MYO3A: variants seen among roughly 807,000 people sequenced by gnomAD.
MYO3A encodes myosin IIIA.
In MYO3A, 180 loss-of-function variants were observed where a neutral mutation model predicts 192.7. That is an observed-to-expected ratio of 0.93 (90% confidence interval 0.83 to 1.06). MYO3A has a LOEUF of 1.06. Among genes scored for constraint, MYO3A ranks in the 50% least tolerant of loss-of-function variants. The pLI, the probability that MYO3A is intolerant of heterozygous loss-of-function variation, is 0.00. For missense variants in MYO3A, 1,896 were observed against 1,905.0 expected, an observed-to-expected ratio of 1.00 and a Z score of 0.09; for synonymous variants, 628 against 645.3, an observed-to-expected ratio of 0.97 and a Z score of 0.41.
chr10:26,169,513 G>A (rs1290998239), intron 28 of MYO3A, among the ~76,000 whole-genome samples: 2 of 152,114 alleles, frequency 1.3e-5, no homozygotes, highest in Non-Finnish European at 2.9e-5. Context: ...TACAAGCACT[G>A]TGTTCTGATC....
chr10:25,996,573 T>C lies in MYO3A; in HGVS notation c.387T>C (p.Tyr129=). The change falls in exon 5 of 35, where the codon TAT becomes TAC. Residue 129 remains tyrosine (Y), a synonymous_variant. Coordinates refer to ENST00000642920, the MANE Select transcript of MYO3A (RefSeq NM_017433.5). The part of the protein sequence containing the change: ...GERMSEPLIA[Y]ILHEALMGLQ... ...GAATGAGTGAGCCTCTAATTGCCTA[T>C]ATTTTACATGAAGCACTAATGGTAA... 1 of 1,613,562 alleles carries C rather than the reference T, an allele frequency of 6.2e-7. No individual in the cohort carries two copies. The highest frequency in any genetic ancestry group is 8.5e-7 in the Non-Finnish European group (1 of 1,179,574).
At position 26,009,397 on chromosome 10, in the gene MYO3A, AT is replaced by A. The variant is rs35821650; in HGVS notation, c.509-7417del. 4.1e-4 allele frequency among the ~76,000 whole-genome samples: 62 copies of A among 151,932 alleles called. 1 individual carries two copies. The South Asian group carries it at 4.8e-3, about 12-fold the overall frequency. On this transcript the variant is annotated intron_variant, in intron 6 of 34. Coordinates refer to ENST00000642920, the MANE Select transcript of MYO3A (RefSeq NM_017433.5). ...TTAAAGTATAATAATAATAAAATAA[AT>A]TTTTTAAAAAAGGCCAAATACAAAA...
chr10:25,995,554 G>A (rs180701392), intron 4 of MYO3A, among the ~76,000 whole-genome samples: 138 of 152,282 alleles, frequency 9.1e-4, no homozygotes, highest in Middle Eastern at 3.4e-3. Flanking sequence ...GAGGAGCTGC[G>A]TTCCTTTGGA....
At chr10:26,197,069 C>T (rs571850299) in intron 32 of MYO3A, among the ~76,000 whole-genome samples, 26 of 152,248 alleles carry the variant, frequency 1.7e-4, no homozygotes, top group South Asian at 1.2e-3. Flanking sequence ...GTTGAGGTCC[C>T]GCTGCGCACC....
At chr10:25,965,927 G>C (rs1422182966) in intron 4 of MYO3A, among the ~76,000 whole-genome samples, 2 of 151,570 alleles carry the variant, frequency 1.3e-5, no homozygotes, top group Non-Finnish European at 2.9e-5. Context: ...TAGGGAAGGG[G>C]TGGTATAGGT....
At chr10:26,118,937 C>A (rs546431245) in intron 17 of MYO3A, among the ~76,000 whole-genome samples, 7 of 152,204 alleles carry the variant, frequency 4.6e-5, no homozygotes, top group Non-Finnish European at 1.0e-4. Flanking sequence ...CAGCTCCAAG[C>A]TCTTTCTGTT....
chr10:26,125,140 G>A (rs923116376), intron 18 of MYO3A, among the ~76,000 whole-genome samples: 1 of 152,168 alleles, frequency 6.6e-6, no homozygotes, highest in African/African-American at 2.4e-5. Flanking sequence ...TTATGCAGCT[G>A]TATTACTCTG....
At chr10:26,062,390 G>A (rs1482553869) in intron 10 of MYO3A, among the ~76,000 whole-genome samples, 10 of 150,678 alleles carry the variant, frequency 6.6e-5, no homozygotes, top group African/African-American at 1.2e-4. Context: ...ATGGTAGCGC[G>A]CCTGTAGTCT....
At chr10:26,201,489 G>A (rs539648792) in intron 33 of MYO3A, among the ~76,000 whole-genome samples, 184 bp downstream of exon 33, 2 of 151,956 alleles carry the variant, frequency 1.3e-5, no homozygotes, top group East Asian at 1.9e-4. Context: ...GACCATCCTG[G>A]CTAACACGGT....
intron 20 of MYO3A, among the ~76,000 whole-genome samples, chr10:26,129,759 T>C (rs1463005544): frequency 6.6e-6 from 1 of 152,226 alleles, no homozygotes; most frequent in African/African-American, 2.4e-5. Flanking sequence ...TCATATATTG[T>C]GTCTTAATTC....
intron 6 of MYO3A, among the ~76,000 whole-genome samples, chr10:26,015,464 G>A (rs867679030): frequency 6.6e-6 from 1 of 151,972 alleles, no homozygotes; most frequent in Non-Finnish European, 1.5e-5. Flanking sequence ...ATAGAATTTT[G>A]CATTTTTCTA....
chr10:26,066,018 AGG>A lies in MYO3A; in HGVS notation c.954-956_954-955del, dbSNP rs1355340257. Among the ~76,000 whole-genome samples, 23 of 92,508 alleles carry A rather than the reference AGG, an allele frequency of 2.5e-4. 1 individual carries two copies. Among genetic ancestry groups the A allele is most frequent in the African/African-American group, 7.2e-4 (20 of 27,844 alleles). The allele number at this position is 92,508 out of a possible 152,430, so 60.7% of individuals were successfully genotyped here. A position where few individuals can be genotyped will look rare whatever the true frequency, so the allele number is the denominator to read the frequency against. ...ATAGTCCCAGCTACACGGGAGGCTG[AGG>A]CTGAGGCAGGAGAATGGCGTGAACC... On this transcript the variant is annotated intron_variant, in intron 10 of 34. Coordinates refer to ENST00000642920, the MANE Select transcript of MYO3A (RefSeq NM_017433.5).
In MYO3A at chr10:25,953,418, A is replaced by G. The variant is rs574752722; in HGVS notation, c.168+1140A>G. ...AAATAAATACACTGGAGGAAAAAAA[A>G]TGAGACTCAGTATGCCCAGGCTTAA... On this transcript the variant is annotated intron_variant, in intron 3 of 34. Coordinates refer to ENST00000642920, the MANE Select transcript of MYO3A (RefSeq NM_017433.5). Among the ~76,000 whole-genome samples, 18 of 152,240 alleles carry G rather than the reference A, an allele frequency of 1.2e-4. No homozygotes were observed. In the East Asian group the frequency reaches 3.3e-3, roughly 28 times the overall value.
Position 26,174,658 on chromosome 10 carries a change from C to G in MYO3A, c.4293+101C>G, listed in dbSNP as rs3758447. 443,630 of 1,027,202 alleles carry G rather than the reference C, an allele frequency of 0.43. 96,090 individuals are homozygous for G. The highest frequency in any genetic ancestry group is 0.49 in the Middle Eastern group (1,611 of 3,278). 63.6% of individuals were successfully genotyped at this position (1,027,202 alleles called of 1,614,324 possible). On this transcript the variant is annotated intron_variant, in intron 30 of 34. Coordinates refer to ENST00000642920, the MANE Select transcript of MYO3A (RefSeq NM_017433.5). ...AATAACTGGTAGATTGTTTTATCTGCGTTGATGGGCCCGCAAACATTTTTA... is the reference window on the plus strand; with the variant it reads ...AATAACTGGTAGATTGTTTTATCTGGGTTGATGGGCCCGCAAACATTTTTA...
At chr10:25,957,829 A>G (rs952253888) in intron 4 of MYO3A, among the ~76,000 whole-genome samples, 11 of 152,080 alleles carry the variant, frequency 7.2e-5, no homozygotes, top group African/African-American at 2.4e-4. Context: ...TGATTTTCAT[A>G]TCTCTAATGA....
chr10:25,935,571 G>A (rs1836005379), intron 1 of MYO3A, among the ~76,000 whole-genome samples, 173 bp from the exon 2 acceptor site: 1 of 152,076 alleles, frequency 6.6e-6, no homozygotes, highest in African/African-American at 2.4e-5. Flanking sequence ...ATGAAATGAG[G>A]GGCTTTAAGT....
At chr10:26,046,473 C>T (rs1341662454) in intron 10 of MYO3A, among the ~76,000 whole-genome samples, 2 of 152,192 alleles carry the variant, frequency 1.3e-5, no homozygotes, top group African/African-American at 4.8e-5. Context: ...CTATTCATAT[C>T]ATATTCCACA....
chr10:26,184,763 A>G (rs939296959), intron 31 of MYO3A, among the ~76,000 whole-genome samples: 22 of 152,328 alleles, frequency 1.4e-4, no homozygotes, highest in African/African-American at 5.3e-4. Flanking sequence ...TTACAAGCTA[A>G]TATTTACCAC....
chr10:26,061,920 A>G (rs1430043724), intron 10 of MYO3A, among the ~76,000 whole-genome samples: 1 of 152,228 alleles, frequency 6.6e-6, no homozygotes, highest in Non-Finnish European at 1.5e-5. Context: ...TGTCTTAAAA[A>G]GAATATATCA....
Sources: allele counts gnomAD v4.1 joint callset (sites outside exome capture counted in the v4.1 genomes callset), GRCh38; gene constraint gnomAD v4.1.1; transcripts MANE v1.5; gene names NCBI Gene and HGNC (gene_info 2026-07-23, HGNC 2026-07-21).